The following PLEKHA7 variants were observed in gnomAD, a reference collection of about 807,000 sequenced individuals.
The protein encoded by PLEKHA7 is pleckstrin homology domain containing A7.
PLEKHA7 carries 104 observed loss-of-function variants against 170.0 expected under a neutral mutation model. The observed-to-expected ratio is 0.61, with a 90% CI of 0.52 to 0.72. The LOEUF is 0.72. Among genes scored for constraint, PLEKHA7 ranks in the 30% least tolerant of loss-of-function variants. The probability of loss-of-function intolerance (pLI) is 0.00; values close to 1 mark genes in which losing one functional copy is unlikely to be tolerated. For synonymous variants in PLEKHA7, 648 were observed against 660.8 expected (o/e 0.98, Z 0.30); for missense variants, 1,615 against 1,671.7 (o/e 0.97, Z 0.59).
At chr11:16,814,242 C>T (rs1020474299) in intron 12 of PLEKHA7, among the ~76,000 whole-genome samples, 22 of 152,246 alleles carry the variant, frequency 1.4e-4, no homozygotes, top group African/African-American at 4.6e-4. Flanking sequence ...AGGAGTAAGA[C>T]AGAACAGAAG....
chr11:17,010,819 G>A (rs902763167), intron 3 of PLEKHA7, among the ~76,000 whole-genome samples: 19 of 152,062 alleles, frequency 1.2e-4, no homozygotes, highest in Non-Finnish European at 2.1e-4. Context: ...AAATGCTCAC[G>A]GCAAAGCTAA....
chr11:16,860,635 C>T (rs933152499), intron 4 of PLEKHA7, among the ~76,000 whole-genome samples: 1 of 152,180 alleles, frequency 6.6e-6, no homozygotes, highest in African/African-American at 2.4e-5. Context: ...GAGGAGGAAA[C>T]TAAGGCTCAC....
At position 16,791,597 on chromosome 11, in the gene PLEKHA7, A is replaced by G; in HGVS notation, c.2746-398T>C. The stretch of plus-strand genomic sequence containing the variant: ...TCACAGCACCACCTACCTGGAGAGT[A>G]ACATCTACCCACTCAGCAGTGCTCA... On this transcript the variant is annotated intron_variant, in intron 19 of 26. Coordinates refer to ENST00000531066, the MANE Select transcript of PLEKHA7 (RefSeq NM_001329630.2). This position sits in a 1 kb window ranked among gnomAD's most constrained non-coding sequence, Gnocchi z 4.5. The G allele has an allele frequency of 2.1e-6, 1 of 469,474 alleles. No homozygotes were observed. Among genetic ancestry groups the G allele is most frequent in the Non-Finnish European group, 4.2e-6 (1 of 235,842 alleles). 29.1% of individuals were successfully genotyped at this position (469,474 alleles called of 1,614,324 possible). A position where few individuals can be genotyped will look rare whatever the true frequency, so the allele number is the denominator to read the frequency against.
intron 24 of PLEKHA7, among the ~76,000 whole-genome samples, chr11:16,785,414 ACAGT>A (rs1275476899): frequency 1.3e-5 from 2 of 152,172 alleles, no homozygotes; most frequent in Non-Finnish European, 2.9e-5. Context: ...TTCATTCAAC[ACAGT>A]CAAAGATGCA....
chr11:16,945,761 T>G (rs1860990615), intron 3 of PLEKHA7, among the ~76,000 whole-genome samples: 1 of 151,382 alleles, frequency 6.6e-6, no homozygotes, highest in Non-Finnish European at 1.5e-5. Flanking sequence ...AGGGAAGGAG[T>G]CCCAATGCTG....
chr11:16,925,899 G>A (rs533668994), intron 3 of PLEKHA7, among the ~76,000 whole-genome samples: 1 of 152,366 alleles, frequency 6.6e-6, no homozygotes, highest in Admixed American at 6.5e-5. Context: ...AGTGGGAGGG[G>A]TAGAGAGGCT....
intron 4 of PLEKHA7, among the ~76,000 whole-genome samples, chr11:16,857,772 G>A (rs1853593942): frequency 6.6e-6 from 1 of 152,248 alleles, no homozygotes; most frequent in Admixed American, 6.5e-5. Flanking sequence ...GGGCTGGAGC[G>A]CAGTGGCGCG....
intron 9 of PLEKHA7, among the ~76,000 whole-genome samples, chr11:16,831,775 G>A (rs1285827813): frequency 6.6e-6 from 1 of 152,190 alleles, no homozygotes; most frequent in Non-Finnish European, 1.5e-5. Flanking sequence ...GTGTCTCCTT[G>A]GGTTGTTGTG....
chr11:16,922,070 G>A (rs1859135316), intron 3 of PLEKHA7, among the ~76,000 whole-genome samples: 1 of 152,198 alleles, frequency 6.6e-6, no homozygotes, highest in African/African-American at 2.4e-5. Flanking sequence ...AATATCTGGA[G>A]GCTGGAAACA....
chr11:16,877,275 C>T (rs1225779020), intron 3 of PLEKHA7, among the ~76,000 whole-genome samples: 3 of 152,164 alleles, frequency 2.0e-5, no homozygotes, highest in Non-Finnish European at 4.4e-5. Context: ...ATACCAGTGT[C>T]TGGAGAAAAC....
intron 23 of PLEKHA7, 129 bp downstream of exon 23, chr11:16,788,967 T>C (rs1849594379): frequency 7.7e-6 from 9 of 1,171,642 alleles, no homozygotes; most frequent in Non-Finnish European, 1.1e-5. Flanking sequence ...CCCCGTGGGG[T>C]GTTCTCTGAA....
rs761062905 is a variant in PLEKHA7 at position 16,795,037 on chromosome 11, T to G, written c.2410-19A>C. The stretch of plus-strand genomic sequence containing the variant: ...ATTTCTCCTGAGGAAGACGAAGTGG[T>G]GGGTTTGCCTTCTTAGCTCCTTACA... On this transcript the variant is annotated intron_variant, in intron 17 of 26. Transcript: ENST00000531066. The G allele has an allele frequency of 1.9e-6, 3 of 1,554,110 alleles. No individual in the cohort carries two copies. Among genetic ancestry groups the G allele is most frequent in the South Asian group, 2.2e-5 (2 of 89,842 alleles).
At chr11:16,912,448 A>C (rs775408623) in intron 3 of PLEKHA7, among the ~76,000 whole-genome samples, 6 of 152,228 alleles carry the variant, frequency 3.9e-5, no homozygotes, top group Admixed American at 6.5e-5. Flanking sequence ...AGGATGAATA[A>C]TACTCTGACA....
chr11:16,929,881 G>C (rs1444392830), intron 3 of PLEKHA7, among the ~76,000 whole-genome samples: 1 of 152,160 alleles, frequency 6.6e-6, no homozygotes, highest in African/African-American at 2.4e-5. Context: ...GCGTGTGCCT[G>C]TAATCCCAGC....
intron 3 of PLEKHA7, among the ~76,000 whole-genome samples, chr11:16,960,384 G>A (rs1306999409): frequency 2.6e-5 from 4 of 152,228 alleles, no homozygotes; most frequent in Non-Finnish European, 4.4e-5. Flanking sequence ...AAGCCATCTA[G>A]ATTCCAAATT....
At chr11:16,870,455 CCTATCT>C (rs982060364) in intron 4 of PLEKHA7, among the ~76,000 whole-genome samples, 7 of 151,744 alleles carry the variant, frequency 4.6e-5, no homozygotes, top group Admixed American at 2.0e-4. Context: ...ATGGCGAAAC[CCTATCT>C]CTACAAAAAA....
Position 17,013,974 on chromosome 11 carries a change from G to T in PLEKHA7, c.221+15C>A, listed in dbSNP as rs551218404. 6,513 of 1,535,122 alleles carry T rather than the reference G, an allele frequency of 4.2e-3. 34 individuals are homozygous for T. Among genetic ancestry groups the T allele is most frequent in the Non-Finnish European group, 4.5e-3 (5,164 of 1,141,772 alleles). ...CCGCGGCACAGGTGCGAGCGCGGCGGCCCCACTCACTCACTCGATGAAGTA... is the reference window on the plus strand; with the variant it reads ...CCGCGGCACAGGTGCGAGCGCGGCGTCCCCACTCACTCACTCGATGAAGTA... On this transcript the variant is annotated intron_variant, in intron 3 of 26. Coordinates refer to ENST00000531066, the MANE Select transcript of PLEKHA7 (RefSeq NM_001329630.2).
chr11:16,783,923 G>C, intron 24 of PLEKHA7, 90 bp from the exon 25 acceptor site: 1 of 1,257,786 alleles, frequency 8.0e-7, no homozygotes, highest in Non-Finnish European at 1.0e-6. Flanking sequence ...TCCCACCATG[G>C]GAAGCAAGCA....
At chr11:16,970,737 GA>G (rs1317956424) in intron 3 of PLEKHA7, among the ~76,000 whole-genome samples, 4 of 151,976 alleles carry the variant, frequency 2.6e-5, no homozygotes, top group African/African-American at 9.7e-5. Context: ...AACAATTAAC[GA>G]GGAATTGTCT....
Sources: allele counts gnomAD v4.1 joint callset (sites outside exome capture counted in the v4.1 genomes callset), GRCh38; gene constraint gnomAD v4.1.1; non-coding constraint Gnocchi (gnomAD v3.1); transcripts MANE v1.5; gene names NCBI Gene and HGNC (gene_info 2026-07-23, HGNC 2026-07-21).